The following CPED1 variants were observed in gnomAD, a reference collection of about 807,000 sequenced individuals.
CPED1 encodes the protein cadherin like and PC-esterase domain containing 1.
In CPED1, 114 loss-of-function variants were observed where a neutral mutation model predicts 128.2. The observed-to-expected ratio is 0.89, with a 90% CI of 0.76 to 1.04. The LOEUF (loss-of-function observed/expected upper bound fraction) is 1.04, where lower values mean the gene tolerates loss of function less well. Among genes scored for constraint, CPED1 ranks in the 50% least tolerant of loss-of-function variants. CPED1 has a pLI of 0.00. For missense variants in CPED1, 1,211 were observed against 1,207.1 expected, an observed-to-expected ratio of 1.00 and a Z score of -0.05; for synonymous variants, 462 against 426.7, an observed-to-expected ratio of 1.08 and a Z score of -1.02.
chr7:121,130,041 A>G lies in CPED1; in HGVS notation c.1408-84A>G, dbSNP rs1394393201. 1.2e-5 allele frequency: 13 copies of G among 1,097,320 alleles called. No individual in the cohort carries two copies. In the South Asian group the frequency reaches 1.8e-4, roughly 15 times the overall value. 68.0% of individuals were successfully genotyped at this position (1,097,320 alleles called of 1,614,324 possible). On this transcript the variant is annotated intron_variant, in intron 11 of 22. Transcript: ENST00000310396. ...TTAACAAATATCTGACTTTTTAAATAAATGACTAAGTATAAGGCTGTTCAT... is the reference window on the plus strand; with the variant it reads ...TTAACAAATATCTGACTTTTTAAATGAATGACTAAGTATAAGGCTGTTCAT...
intron 3 of CPED1, among the ~76,000 whole-genome samples, chr7:121,025,641 T>C (rs73431859): frequency 0.019 from 2,883 of 152,242 alleles, 46 homozygotes; most frequent in African/African-American, 0.046. Flanking sequence ...TCCTGAATGA[T>C]GCCTTAACCT....
Position 121,260,223 on chromosome 7 carries a change from GTTTTTTTTTT to G in CPED1, c.2311-5988_2311-5979del, listed in dbSNP as rs59370305. 6.5e-3 allele frequency among the ~76,000 whole-genome samples: 452 copies of G among 70,056 alleles called. 1 individual carries two copies. The highest frequency in any genetic ancestry group is 0.014 in the Middle Eastern group (1 of 74). 46.0% of individuals were successfully genotyped at this position (70,056 alleles called of 152,430 possible). On this transcript the variant is annotated intron_variant, in intron 18 of 22. Transcript: ENST00000310396. ...GATGTTGTAGAGTTGCTTGCTTCGC[GTTTTTTTTTT>G]TTTTTTTTTTTTTTTGCCAAATTTT...
At chr7:121,015,914 T>C in intron 3 of CPED1, 66 bp downstream of exon 3, 1 of 1,145,812 alleles carries the variant, frequency 8.7e-7, no homozygotes. Flanking sequence ...TTCTAGAATG[T>C]GCTACTATCT....
At chr7:121,032,015 A>G (rs901808501) in intron 3 of CPED1, among the ~76,000 whole-genome samples, 2 of 152,228 alleles carry the variant, frequency 1.3e-5, no homozygotes, top group African/African-American at 4.8e-5. Flanking sequence ...ATTCTGAGAA[A>G]GAAAACTCTC....
intron 4 of CPED1, among the ~76,000 whole-genome samples, chr7:121,060,547 CTCTGTA>C (rs1184409465): frequency 3.9e-5 from 6 of 152,252 alleles, no homozygotes; most frequent in Non-Finnish European, 7.3e-5. Flanking sequence ...CACCAGTCCA[CTCTGTA>C]TCTAGCTATT....
chr7:121,006,072 T>C (rs1792005927), intron 2 of CPED1, among the ~76,000 whole-genome samples: 1 of 152,192 alleles, frequency 6.6e-6, no homozygotes, highest in Non-Finnish European at 1.5e-5. Context: ...GTCGACCGCA[T>C]GATGCTTAGG....
At chr7:121,201,888 A>G (rs1482266724) in intron 16 of CPED1, among the ~76,000 whole-genome samples, 1 of 152,110 alleles carries the variant, frequency 6.6e-6, no homozygotes, top group Admixed American at 6.5e-5. Flanking sequence ...CATTTCCTCC[A>G]TATTCCACCA....
chr7:121,130,053 A>G, intron 11 of CPED1, 72 bp from the exon 12 acceptor site: 1 of 1,190,788 alleles, frequency 8.4e-7, no homozygotes, highest in Non-Finnish European at 1.2e-6. Flanking sequence ...ATGACTAAGT[A>G]TAAGGCTGTT....
Position 121,063,286 on chromosome 7 carries a change from G to A in CPED1, c.541-952G>A, listed in dbSNP as rs2116047979. Among the ~76,000 whole-genome samples the A allele has an allele frequency of 2.2e-5, 3 of 136,688 alleles. 1 individual carries two copies. Among genetic ancestry groups the A allele is most frequent in the Middle Eastern group, 8.1e-3 (2 of 246 alleles). The allele number at this position is 136,688 out of a possible 152,430, so 89.7% of individuals were successfully genotyped here. A position where few individuals can be genotyped will look rare whatever the true frequency, so the allele number is the denominator to read the frequency against. ...AGCACTTTAAATGAATCAGTTTTTA[G>A]AACTGTATCTTATTGATTTGGTAAA... On this transcript the variant is annotated intron_variant, in intron 4 of 22. Coordinates refer to ENST00000310396, the MANE Select transcript of CPED1 (RefSeq NM_024913.5).
At chr7:121,187,319 T>A (rs1175914851) in intron 16 of CPED1, among the ~76,000 whole-genome samples, 1 of 152,320 alleles carries the variant, frequency 6.6e-6, no homozygotes, top group African/African-American at 2.4e-5. Flanking sequence ...TGAGAAAGGC[T>A]GCAGTAAGAA....
intron 22 of CPED1, among the ~76,000 whole-genome samples, chr7:121,292,792 C>T (rs541582608): frequency 5.3e-5 from 8 of 152,252 alleles, no homozygotes; most frequent in African/African-American, 1.9e-4. Flanking sequence ...TGCAAGTCTG[C>T]TGGAGTTTGC....
chr7:121,295,499 TCA>T lies in CPED1; in HGVS notation c.2929_2930del (p.His977TyrfsTer36). ...NFIKMKRSRNHIMGRYFSNQS... is the reference protein window; with the variant it reads ...NFIKMKRSRNXIMGRYFSNQS... The stretch of plus-strand genomic sequence containing the variant: ...TTATTAAAATGAAAAGATCAAGAAA[TCA>T]TATCATGGGAAGATATTTCAGCAAT... On this transcript the variant is annotated frameshift_variant, in exon 23 of 23. Coordinates refer to ENST00000310396, the MANE Select transcript of CPED1 (RefSeq NM_024913.5). LOFTEE classifies it high-confidence loss of function. 6.2e-7 allele frequency: 1 copy of T among 1,613,908 alleles called. No individual in the cohort carries two copies. The highest frequency in any genetic ancestry group is 1.1e-5 in the South Asian group (1 of 91,070).
chr7:121,131,729 A>G (rs189765283), intron 12 of CPED1, among the ~76,000 whole-genome samples: 52 of 152,126 alleles, frequency 3.4e-4, no homozygotes, highest in African/African-American at 1.2e-3. Context: ...ATATTCAAAA[A>G]TCCCAACTTT....
At chr7:121,180,423 A>T (rs1584574363) in intron 16 of CPED1, among the ~76,000 whole-genome samples, 2 of 152,228 alleles carry the variant, frequency 1.3e-5, no homozygotes, top group East Asian at 1.9e-4. Context: ...TCTTTAAAAA[A>T]ATTCTGAGGC....
At chr7:121,186,670 A>C (rs1193802824) in intron 16 of CPED1, among the ~76,000 whole-genome samples, 1 of 152,168 alleles carries the variant, frequency 6.6e-6, no homozygotes, top group East Asian at 1.9e-4. Context: ...TGCATCCTGT[A>C]AATTTGCTTT....
In CPED1 at chr7:121,244,315, C is replaced by T. The variant is rs1244828149; in HGVS notation, c.2287C>T (p.Gln763Ter). 1 of 1,613,986 alleles carries T rather than the reference C, an allele frequency of 6.2e-7. No homozygotes were observed. The highest frequency in any genetic ancestry group is 8.5e-7 in the Non-Finnish European group (1 of 1,180,014). Residue 763 changes from glutamine to a stop codon, truncating the protein, a stop_gained, in exon 18 of 23, where the codon CAG becomes TAG. Transcript: ENST00000310396. LOFTEE classifies it high-confidence loss of function. ...TGGTGTCCTAACTAAGCCTCAACTC[C>T]AGCAGTGCCTGGGAGGAAGGAAGGT... ...QYGVLTKPQLQQCLGGRKILF... is the reference protein window; with the variant it reads ...QYGVLTKPQL
chr7:121,006,454 T>C (rs747581238), intron 2 of CPED1, among the ~76,000 whole-genome samples: 3 of 151,972 alleles, frequency 2.0e-5, no homozygotes, highest in Admixed American at 2.0e-4. Flanking sequence ...TTCTTCCTTC[T>C]GTTAAGTGCT....
intron 2 of CPED1, among the ~76,000 whole-genome samples, chr7:121,001,225 G>A (rs1791847591): frequency 1.3e-5 from 2 of 152,176 alleles, no homozygotes; most frequent in Admixed American, 1.3e-4. Context: ...CCAGGGATGT[G>A]TATAATACTT....
chr7:121,136,928 C>G (rs2116353295), intron 14 of CPED1, among the ~76,000 whole-genome samples: 1 of 151,950 alleles, frequency 6.6e-6, no homozygotes, highest in South Asian at 2.1e-4. Context: ...AGAAAAACTC[C>G]TGAGTTTTCT....
Sources: allele counts gnomAD v4.1 joint callset (sites outside exome capture counted in the v4.1 genomes callset), GRCh38; gene constraint gnomAD v4.1.1; transcripts MANE v1.5; gene names NCBI Gene and HGNC (gene_info 2026-07-23, HGNC 2026-07-21).